The following LRMDA variants were observed in gnomAD, a reference collection of about 807,000 sequenced individuals.
LRMDA encodes leucine rich melanocyte differentiation associated.
A neutral mutation model predicts 29.8 loss-of-function variants in LRMDA; 18 were observed. That is an observed-to-expected ratio of 0.60 (90% CI 0.42 to 0.90). The LOEUF (loss-of-function observed/expected upper bound fraction) is 0.90, where lower values mean the gene tolerates loss of function less well. LRMDA is among the 40% of genes least tolerant of loss of function. The pLI, the probability that LRMDA is intolerant of heterozygous loss-of-function variation, is 0.00. For synonymous variants in LRMDA, 125 were observed against 109.4 expected (o/e 1.14, Z -0.89); for missense variants, 273 against 273.9 (o/e 1.00, Z 0.02).
intron 2 of LRMDA, among the ~76,000 whole-genome samples, chr10:75,994,378 G>A (rs958480819): frequency 2.6e-5 from 4 of 152,172 alleles, no homozygotes; most frequent in Non-Finnish European, 5.9e-5. Context: ...AGCTCCTTCT[G>A]CACCCTAGGA....
intron 6 of LRMDA, among the ~76,000 whole-genome samples, chr10:76,513,494 C>T (rs114808124): frequency 0.012 from 1,813 of 152,150 alleles, 16 homozygotes; most frequent in African/African-American, 0.031. Context: ...TACACATTTT[C>T]CCTTCAGAGA....
At position 76,324,497 on chromosome 10, in the gene LRMDA, G is replaced by C. The variant is rs1419483303; in HGVS notation, c.601+12G>C. Reference sequence around the variant, plus strand: ...CACCAGTCACCAAGGTTGGAACTCAGCTTTTTATTGCTCTCAGTGGGTGCA... The same window carrying C: ...CACCAGTCACCAAGGTTGGAACTCACCTTTTTATTGCTCTCAGTGGGTGCA... On this transcript the variant is annotated intron_variant, in intron 6 of 6. Coordinates refer to ENST00000611255, the MANE Select transcript of LRMDA (RefSeq NM_001305581.2). The C allele has an allele frequency of 6.2e-7, 1 of 1,612,984 alleles. No individual in the cohort carries two copies.
intron 5 of LRMDA, among the ~76,000 whole-genome samples, chr10:76,153,867 C>T (rs16932913): frequency 0.14 from 21,341 of 152,154 alleles, 1,671 homozygotes; most frequent in East Asian, 0.24. Flanking sequence ...AGCAGAGTGA[C>T]TATTCCTGAG....
At chr10:75,870,540 T>C (rs1340660124) in intron 2 of LRMDA, among the ~76,000 whole-genome samples, 1 of 152,216 alleles carries the variant, frequency 6.6e-6, no homozygotes, top group Non-Finnish European at 1.5e-5. Flanking sequence ...TCTACTGGAA[T>C]ATGTCCTTTG....
At chr10:75,609,813 T>G (rs1229302462) in intron 2 of LRMDA, among the ~76,000 whole-genome samples, 1 of 152,080 alleles carries the variant, frequency 6.6e-6, no homozygotes, top group Non-Finnish European at 1.5e-5. Flanking sequence ...CAGTCACCCT[T>G]TTTGCCCAGA....
chr10:76,028,973 C>T (rs1220415747), intron 2 of LRMDA, among the ~76,000 whole-genome samples: 13 of 152,012 alleles, frequency 8.6e-5, no homozygotes, highest in African/African-American at 2.7e-4. Context: ...CGTGCCACCA[C>T]GCCCAGCTAA....
chr10:75,699,693 T>C (rs1842281567), intron 2 of LRMDA, among the ~76,000 whole-genome samples: 1 of 152,208 alleles, frequency 6.6e-6, no homozygotes, highest in Non-Finnish European at 1.5e-5. Flanking sequence ...CGTACTGTGG[T>C]ACTGAATTAT....
intron 2 of LRMDA, among the ~76,000 whole-genome samples, chr10:75,862,629 C>T (rs1844951305): frequency 6.6e-6 from 1 of 152,180 alleles, no homozygotes; most frequent in Non-Finnish European, 1.5e-5. Context: ...GTGTCACCCT[C>T]ATTAGTATTT....
intron 2 of LRMDA, among the ~76,000 whole-genome samples, chr10:75,659,704 T>C (rs1432481524): frequency 6.6e-6 from 1 of 152,254 alleles, no homozygotes; most frequent in Non-Finnish European, 1.5e-5. Context: ...GAGTAAGTTC[T>C]GAGGATCTAA....
rs1183989010 is a variant in LRMDA, at chr10:75,578,215, C to CAAAAAAAAAAAAAAAAAAAAAA, written c.131+139724_131+139745dup. On this transcript the variant is annotated intron_variant, in intron 2 of 6. Coordinates refer to ENST00000611255, the MANE Select transcript of LRMDA (RefSeq NM_001305581.2). ...GTATATTTACCAAGCAAATGGAAAG[C>CAAAAAAAAAAAAAAAAAAAAAA]AAAAAAAAAAAAAAAAAAAAAAAAG... Among the ~76,000 whole-genome samples the CAAAAAAAAAAAAAAAAAAAAAA allele has an allele frequency of 3.0e-3, 43 of 14,224 alleles. 13 individuals are homozygous for CAAAAAAAAAAAAAAAAAAAAAA. The highest frequency in any genetic ancestry group is 4.8e-3 in the Non-Finnish European group (28 of 5,886). The allele number at this position is 14,224 out of a possible 152,430, so 9.3% of individuals were successfully genotyped here.
At chr10:76,004,638 G>A (rs1387731971) in intron 2 of LRMDA, among the ~76,000 whole-genome samples, 1 of 152,136 alleles carries the variant, frequency 6.6e-6, no homozygotes, top group Non-Finnish European at 1.5e-5. Context: ...TTGTTTCTCA[G>A]GTGATTTTGT....
chr10:75,710,858 G>T (rs74147193), intron 2 of LRMDA, among the ~76,000 whole-genome samples: 2,436 of 152,346 alleles, frequency 0.016, 64 homozygotes, highest in East Asian at 0.11. Context: ...GTGATGCAAG[G>T]TGTGGCAATG....
At chr10:76,361,454 G>A (rs1841312090) in intron 6 of LRMDA, among the ~76,000 whole-genome samples, 1 of 152,076 alleles carries the variant, frequency 6.6e-6, no homozygotes, top group Non-Finnish European at 1.5e-5. Context: ...TGGAAACAGA[G>A]CAACTCTTTA....
chr10:75,465,080 C>T (rs1844632046), intron 2 of LRMDA, among the ~76,000 whole-genome samples: 1 of 152,158 alleles, frequency 6.6e-6, no homozygotes, highest in Non-Finnish European at 1.5e-5. Flanking sequence ...CTTAAATGCT[C>T]TGCTGTGGAG....
At chr10:75,556,975 A>ACTTC (rs1840222528) in intron 2 of LRMDA, among the ~76,000 whole-genome samples, 1 of 152,126 alleles carries the variant, frequency 6.6e-6, no homozygotes, top group Non-Finnish European at 1.5e-5. Flanking sequence ...AAGGCCAGAA[A>ACTTC]CTAGGAAGAA....
intron 2 of LRMDA, among the ~76,000 whole-genome samples, chr10:75,862,861 C>T (rs2132323884): frequency 6.6e-6 from 1 of 152,204 alleles, no homozygotes; most frequent in East Asian, 1.9e-4. Context: ...TGTCTACAGC[C>T]TTAGAGGGCA....
chr10:76,048,221 T>C (rs1057442105), intron 4 of LRMDA, among the ~76,000 whole-genome samples: 6 of 152,152 alleles, frequency 3.9e-5, no homozygotes, highest in African/African-American at 1.4e-4. Context: ...TGTGTCTATA[T>C]GTATATGTAT....
intron 6 of LRMDA, among the ~76,000 whole-genome samples, chr10:76,456,825 C>T (rs773634801): frequency 6.6e-6 from 1 of 152,104 alleles, no homozygotes; most frequent in Non-Finnish European, 1.5e-5. Flanking sequence ...TCATTCTTAC[C>T]ATGTCACCTC....
chr10:76,162,716 C>T lies in LRMDA; in HGVS notation c.516+103933C>T, dbSNP rs972189478. 1.9e-4 allele frequency among the ~76,000 whole-genome samples: 29 copies of T among 152,128 alleles called. 2 individuals are homozygous for T. The highest frequency in any genetic ancestry group is 6.6e-5 in the Admixed American group (1 of 15,264). Reference sequence around the variant, plus strand: ...GAAATCCATCACCGTGATCCAATAACCTCCCACCAGGCCCCACCTCTAATC... The same window carrying T: ...GAAATCCATCACCGTGATCCAATAATCTCCCACCAGGCCCCACCTCTAATC... On this transcript the variant is annotated intron_variant, in intron 5 of 6. Coordinates refer to ENST00000611255, the MANE Select transcript of LRMDA (RefSeq NM_001305581.2).
Sources: allele counts gnomAD v4.1 joint callset (sites outside exome capture counted in the v4.1 genomes callset), GRCh38; gene constraint gnomAD v4.1.1; transcripts MANE v1.5; gene names NCBI Gene and HGNC (gene_info 2026-07-23, HGNC 2026-07-21).